Variants in CLECL1 observed in about 807,000 individuals in gnomAD.
CLECL1 encodes the protein C-type lectin-like domain family 1.
chr12:9,722,505 C>A, downstream of CLECL1: 3 of 1,329,386 alleles, frequency 2.3e-6, no homozygotes, highest in African/African-American at 1.5e-5. Flanking sequence ...TGTAATTCAA[C>A]AATTCATTCA....
exon 3 of CLECL1, chr12:9,716,514 A>G: frequency 4.5e-6 from 1 of 222,216 alleles, no homozygotes; most frequent in Non-Finnish European, 9.1e-6. Context: ...TCTCCAGATA[A>G]TTCTATTGAT....
At chr12:9,731,430 C>A (rs766970885) in intron 1 of CLECL1, among the ~76,000 whole-genome samples, 5 of 152,054 alleles carry the variant, frequency 3.3e-5, no homozygotes, top group Non-Finnish European at 7.4e-5. Context: ...ATATGACAAC[C>A]TTTAGGAGAA....
At chr12:9,733,050 G>A (rs780785881), upstream of CLECL1, 9 of 1,614,034 alleles carry the variant, frequency 5.6e-6, no homozygotes, top group East Asian at 1.8e-4. Flanking sequence ...CAAAAAGAGA[G>A]AGAAGACCAC....
At position 9,732,663 on chromosome 12, in the gene CLECL1, G is replaced by A. The variant is rs761069015; in HGVS notation, n.82+286C>T. Among the ~76,000 whole-genome samples, 3 of 152,194 alleles carry A rather than the reference G, an allele frequency of 2.0e-5. 1 individual carries two copies. Among genetic ancestry groups the A allele is most frequent in the Non-Finnish European group, 4.4e-5 (3 of 68,028 alleles). Reference sequence around the variant, plus strand: ...CTGTGGAGCAGAAAGGCGTGATCCCGCTAGAAGTTGCTGTGTGAATATAAA... The same window carrying A: ...CTGTGGAGCAGAAAGGCGTGATCCCACTAGAAGTTGCTGTGTGAATATAAA... On this transcript the variant is annotated intron_variant and non_coding_transcript_variant, in intron 1 of 3. Transcript: ENST00000621400.
downstream of CLECL1, chr12:9,722,479 AC>A: frequency 1.5e-6 from 2 of 1,326,576 alleles, no homozygotes; most frequent in South Asian, 4.4e-5. Context: ...AAAAAAAAAA[AC>A]CTCAAAGGTA....
chr12:9,722,568 C>G (rs1866326301), downstream of CLECL1: 1 of 1,513,654 alleles, frequency 6.6e-7, no homozygotes, highest in African/African-American at 1.4e-5. Flanking sequence ...TTTTCACAGA[C>G]TTTTGCCAAG....
chr12:9,729,356 A>G (rs910360715), intron 2 of CLECL1, among the ~76,000 whole-genome samples: 7 of 152,154 alleles, frequency 4.6e-5, no homozygotes, highest in African/African-American at 1.7e-4. Context: ...TCATAAAATA[A>G]GCAACTAATC....
the CLECL1 span, chr12:9,708,865 C>T: frequency 3.1e-5 from 8 of 258,074 alleles, no homozygotes; most frequent in Non-Finnish European, 5.8e-5. Context: ...TGTTCCCTGT[C>T]TTTCAGAATG....
chr12:9,726,708 A>G (rs1312774693), intron 3 of CLECL1, among the ~76,000 whole-genome samples: 1 of 152,008 alleles, frequency 6.6e-6, no homozygotes, highest in African/African-American at 2.4e-5. Flanking sequence ...TTACACCTCT[A>G]TAACAATAGA....
At chr12:9,717,469 G>A (rs1866252914) in intron 2 of CLECL1, among the ~76,000 whole-genome samples, 1 of 152,106 alleles carries the variant, frequency 6.6e-6, no homozygotes, top group Non-Finnish European at 1.5e-5. Flanking sequence ...CTTTCTAATT[G>A]ATATTAATCT....
At chr12:9,702,684 TTC>T in the CLECL1 span, among the ~76,000 whole-genome samples, 2 of 152,192 alleles carry the variant, frequency 1.3e-5, no homozygotes, top group African/African-American at 4.8e-5. Context: ...TATATGCTGC[TTC>T]TCTCAGAGCA....
At chr12:9,709,199 C>A in the CLECL1 span, 1 of 152,530 alleles carries the variant, frequency 6.6e-6, no homozygotes, top group Non-Finnish European at 1.5e-5. Context: ...TCCTGTTTGC[C>A]ATCTTAGGGA....
the CLECL1 span, among the ~76,000 whole-genome samples, chr12:9,703,473 C>A: frequency 6.6e-6 from 1 of 152,026 alleles, no homozygotes; most frequent in African/African-American, 2.4e-5. Flanking sequence ...TAGCTCACTG[C>A]AGCCTCAGCT....
the CLECL1 span, among the ~76,000 whole-genome samples, chr12:9,707,947 G>C: frequency 6.6e-6 from 1 of 152,200 alleles, no homozygotes; most frequent in Admixed American, 6.5e-5. Flanking sequence ...TGTTCCTGGA[G>C]GTGCCATGTA....
At chr12:9,725,961 C>T (rs1866374211) in intron 3 of CLECL1, among the ~76,000 whole-genome samples, 1 of 151,974 alleles carries the variant, frequency 6.6e-6, no homozygotes, top group South Asian at 2.1e-4. Flanking sequence ...GTGAGCCTTT[C>T]ATCAGTCTGA....
chr12:9,714,173 TGGG>T (rs1416481395), downstream of CLECL1, among the ~76,000 whole-genome samples: 1 of 152,212 alleles, frequency 6.6e-6, no homozygotes, highest in East Asian at 1.9e-4. Context: ...AGCATGTAGA[TGGG>T]GGTTTGATAT....
At chr12:9,731,234 A>G (rs1185725578) in intron 1 of CLECL1, among the ~76,000 whole-genome samples, 1 of 152,242 alleles carries the variant, frequency 6.6e-6, no homozygotes, top group East Asian at 1.9e-4. Flanking sequence ...CAATGAGCAT[A>G]CATATATACA....
the CLECL1 span, among the ~76,000 whole-genome samples, chr12:9,710,707 T>C: frequency 6.6e-6 from 1 of 151,932 alleles, no homozygotes; most frequent in African/African-American, 2.4e-5. Flanking sequence ...GAGGAACACA[T>C]AGGTGGCTGG....
the CLECL1 span, among the ~76,000 whole-genome samples, chr12:9,703,431 G>A: frequency 6.6e-6 from 1 of 151,496 alleles, no homozygotes; most frequent in South Asian, 2.1e-4. Context: ...GTCTCACTCT[G>A]TTGCTCAGGC....
Sources: allele counts gnomAD v4.1 joint callset (sites outside exome capture counted in the v4.1 genomes callset), GRCh38; gene constraint gnomAD v4.1.1; transcripts MANE v1.5; gene names NCBI Gene and HGNC (gene_info 2026-07-23, HGNC 2026-07-21).